MEI4: variants seen among roughly 807,000 people sequenced by gnomAD.
MEI4 encodes meiosis-specific protein MEI4.
In MEI4, 27 loss-of-function variants were observed where a neutral mutation model predicts 31.4. The ratio of observed to expected loss-of-function variants is 0.86; its 90% confidence interval spans 0.63 to 1.19. The LOEUF is 1.19. Among genes scored for constraint, MEI4 ranks in the 50% most tolerant of loss-of-function variants. MEI4 has a pLI of 0.00. For synonymous variants in MEI4, 122 were observed against 145.4 expected, an observed-to-expected ratio of 0.84 and a Z score of 1.16; for missense variants, 329 against 398.9, an observed-to-expected ratio of 0.82 and a Z score of 1.49.
chr6:77,706,136 T>G (rs1337531872), intron 2 of MEI4, among the ~76,000 whole-genome samples: 1 of 152,162 alleles, frequency 6.6e-6, no homozygotes, highest in Admixed American at 6.5e-5. Context: ...GGCAGGTCAT[T>G]GAAATTAGAA....
At position 77,712,907 on chromosome 6, in the gene MEI4, C is replaced by G. The variant is rs371342636; in HGVS notation, c.232+22004C>G. Among the ~76,000 whole-genome samples, 83 of 151,140 alleles carry G rather than the reference C, an allele frequency of 5.5e-4. 2 individuals carry two copies. The highest frequency in any genetic ancestry group is 1.9e-3 in the African/African-American group (80 of 41,164). ...AATGGCGTAAACCCGGGAGGCGGAGCTTGCAGTGAGCCGAGATAGGGCCAC... is the reference window on the plus strand; with the variant it reads ...AATGGCGTAAACCCGGGAGGCGGAGGTTGCAGTGAGCCGAGATAGGGCCAC... On this transcript the variant is annotated intron_variant, in intron 2 of 4. Coordinates refer to ENST00000684080, the MANE Select transcript of MEI4 (RefSeq NM_001322247.2).
chr6:77,785,378 G>T (rs1768709206), intron 3 of MEI4, among the ~76,000 whole-genome samples: 1 of 152,054 alleles, frequency 6.6e-6, no homozygotes, highest in South Asian at 2.1e-4. Flanking sequence ...GAGATAATAG[G>T]CCTAATTTGG....
intron 2 of MEI4, among the ~76,000 whole-genome samples, chr6:77,744,332 C>T (rs528461514): frequency 1.1e-3 from 170 of 152,124 alleles, no homozygotes; most frequent in Non-Finnish European, 1.9e-3. Context: ...GCAGAAGCCT[C>T]AGGAGCCGAT....
At chr6:77,791,953 C>T (rs888627353) in intron 3 of MEI4, among the ~76,000 whole-genome samples, 7 of 152,180 alleles carry the variant, frequency 4.6e-5, no homozygotes, top group African/African-American at 1.7e-4. Flanking sequence ...CTCCTCACTA[C>T]CTCAACCCTG....
intron 2 of MEI4, among the ~76,000 whole-genome samples, chr6:77,748,546 T>C (rs1260809014): frequency 1.3e-5 from 2 of 152,206 alleles, no homozygotes; most frequent in East Asian, 1.9e-4. Flanking sequence ...GAAGCCATTT[T>C]ATCCTACTAG....
At chr6:77,788,907 A>C (rs1297176821) in intron 3 of MEI4, among the ~76,000 whole-genome samples, 5 of 152,344 alleles carry the variant, frequency 3.3e-5, no homozygotes, top group African/African-American at 7.2e-5. Flanking sequence ...AAACTACTTT[A>C]AAGTTCATAT....
chr6:77,795,663 A>G (rs930504407), intron 3 of MEI4, among the ~76,000 whole-genome samples: 1 of 152,164 alleles, frequency 6.6e-6, no homozygotes, highest in Non-Finnish European at 1.5e-5. Flanking sequence ...TGGATAACCT[A>G]GAAGAAATTG....
At chr6:77,654,753 T>C (rs1279651671) in intron 1 of MEI4, among the ~76,000 whole-genome samples, 1 of 151,888 alleles carries the variant, frequency 6.6e-6, no homozygotes, top group East Asian at 1.9e-4. Flanking sequence ...TCCTTGTCCT[T>C]TACATTGGGA....
intron 4 of MEI4, among the ~76,000 whole-genome samples, chr6:77,848,653 C>T (rs1482469191): frequency 6.6e-6 from 1 of 152,214 alleles, no homozygotes; most frequent in African/African-American, 2.4e-5. Flanking sequence ...GTCTTCCCAG[C>T]TAGATTGCCA....
chr6:77,873,065 G>C (rs1463538097), intron 4 of MEI4, among the ~76,000 whole-genome samples: 1 of 151,878 alleles, frequency 6.6e-6, no homozygotes, highest in Non-Finnish European at 1.5e-5. Flanking sequence ...CTTTATAGCA[G>C]CATGATTTAT....
At chr6:77,876,987 G>A (rs1008545387) in intron 4 of MEI4, among the ~76,000 whole-genome samples, 2 of 152,106 alleles carry the variant, frequency 1.3e-5, no homozygotes, top group African/African-American at 4.8e-5. Flanking sequence ...ATTAATACAA[G>A]TCTTCTATTA....
At chr6:77,869,220 A>T (rs1562019656) in intron 4 of MEI4, among the ~76,000 whole-genome samples, 2 of 152,142 alleles carry the variant, frequency 1.3e-5, no homozygotes, top group South Asian at 4.1e-4. Context: ...TACAAAGGAA[A>T]CTAAGTTACA....
chr6:77,844,632 G>C (rs1023873424), intron 4 of MEI4, among the ~76,000 whole-genome samples: 1 of 152,094 alleles, frequency 6.6e-6, no homozygotes, highest in East Asian at 1.9e-4. Context: ...AATTTTATAA[G>C]TGTTTTTAAT....
intron 4 of MEI4, among the ~76,000 whole-genome samples, chr6:77,865,299 T>A (rs182217851): frequency 6.6e-6 from 1 of 152,296 alleles, no homozygotes. Flanking sequence ...AGGAGCTGGT[T>A]TTTTGAAAAT....
intron 1 of MEI4, among the ~76,000 whole-genome samples, chr6:77,685,871 G>A (rs886659518): frequency 2.6e-5 from 4 of 152,066 alleles, no homozygotes; most frequent in African/African-American, 9.7e-5. Flanking sequence ...GACAGTTTGG[G>A]AACTATAGTG....
intron 3 of MEI4, among the ~76,000 whole-genome samples, chr6:77,800,135 T>A (rs1417430227): frequency 6.6e-6 from 1 of 152,192 alleles, no homozygotes; most frequent in Non-Finnish European, 1.5e-5. Context: ...GAGCATGGAA[T>A]GTTCTTCCAT....
intron 2 of MEI4, among the ~76,000 whole-genome samples, chr6:77,730,778 T>TC (rs1282663698): frequency 2.4e-5 from 2 of 84,860 alleles, no homozygotes; most frequent in African/African-American, 9.1e-5. Context: ...CCCTCGCCCC[T>TC]CCCCCCACCC....
intron 2 of MEI4, among the ~76,000 whole-genome samples, chr6:77,730,286 G>A (rs1242594525): frequency 6.6e-6 from 1 of 152,108 alleles, no homozygotes; most frequent in Non-Finnish European, 1.5e-5. Flanking sequence ...AATTATGCAG[G>A]TGGATTCACT....
At chr6:77,710,025 G>T (rs998088039) in intron 2 of MEI4, among the ~76,000 whole-genome samples, 2 of 152,258 alleles carry the variant, frequency 1.3e-5, no homozygotes, top group South Asian at 2.1e-4. Flanking sequence ...GATACAGTGG[G>T]GGCTGGACCT....
Sources: gnomAD v4.1 joint callset for allele counts (sites outside exome capture counted in the v4.1 genomes callset) on GRCh38, gnomAD v4.1.1 for gene constraint, MANE v1.5 for transcripts, NCBI Gene and HGNC (gene_info 2026-07-23, HGNC 2026-07-21) for gene names.